The following POLR3H variants were observed in gnomAD, a reference collection of about 807,000 sequenced individuals.
POLR3H encodes RNA polymerase III subunit H.
In POLR3H, 17 loss-of-function variants were observed where a neutral mutation model predicts 25.5. That is an observed-to-expected ratio of 0.67 (90% CI 0.46 to 1.00). The LOEUF (loss-of-function observed/expected upper bound fraction) is 1.00. Ranked by LOEUF, POLR3H falls within the 50% of genes least tolerant of loss-of-function variation. The pLI is 0.00. For missense variants in POLR3H, 274 were observed against 265.0 expected, an observed-to-expected ratio of 1.03 and a Z score of -0.24; for synonymous variants, 129 against 103.0, an observed-to-expected ratio of 1.25 and a Z score of -1.53.
intron 2 of POLR3H, 72 bp downstream of exon 2, chr22:41,540,627 T>G: frequency 8.5e-7 from 1 of 1,175,116 alleles, no homozygotes; most frequent in African/African-American, 1.5e-5. Context: ...TGAACCTGGA[T>G]TTGGCTTGAC....
rs976996191 is a variant in POLR3H, at chr22:41,526,875, C to T, written c.*2408G>A. The T allele has an allele frequency of 4.2e-5, 13 of 310,882 alleles. 1 individual carries two copies. The highest frequency in any genetic ancestry group is 2.3e-4 in the Admixed American group (5 of 21,304). 19.3% of individuals were successfully genotyped at this position (310,882 alleles called of 1,614,324 possible). On this transcript the variant is annotated 3_prime_UTR_variant, in exon 6 of 6. Transcript: ENST00000355209. Reference sequence around the variant, plus strand: ...GGCTGAACCCAAGTCCTGGCCCAGCCGGGTGAAAGGACTCTGGCACCCCCT... The same window carrying T: ...GGCTGAACCCAAGTCCTGGCCCAGCTGGGTGAAAGGACTCTGGCACCCCCT...
intron 2 of POLR3H, among the ~76,000 whole-genome samples, chr22:41,535,587 G>C (rs1569033949): frequency 1.3e-5 from 2 of 152,252 alleles, no homozygotes; most frequent in South Asian, 2.1e-4. Flanking sequence ...AGAACTTTGG[G>C]AGGCCGAGGC....
Position 41,526,420 on chromosome 22 carries a change from T to A in POLR3H, c.*2863A>T. The A allele has an allele frequency of 6.2e-7, 1 of 1,613,726 alleles. No homozygotes were observed. The highest frequency in any genetic ancestry group is 8.5e-7 in the Non-Finnish European group (1 of 1,179,884). On this transcript the variant is annotated 3_prime_UTR_variant, in exon 6 of 6. Coordinates refer to ENST00000355209, the MANE Select transcript of POLR3H (RefSeq NM_001018050.4). ...TGCGCAATGCCGTCACTCAGGAGTT[T>A]GGCCCCGTCCCTGACACTGCCCGCT...
rs556771662 is a variant in POLR3H at position 41,536,202 on chromosome 22, C to T, written c.209-3457G>A. On this transcript the variant is annotated intron_variant, in intron 2 of 5. Coordinates refer to ENST00000355209, the MANE Select transcript of POLR3H (RefSeq NM_001018050.4). Reference sequence around the variant, plus strand: ...GGTCAGGAGATCGAGACCATCCTGGCTAACATGATGAAACCCCGTCTCAAC... The same window carrying T: ...GGTCAGGAGATCGAGACCATCCTGGTTAACATGATGAAACCCCGTCTCAAC... Among the ~76,000 whole-genome samples, 21 of 151,066 alleles carry T rather than the reference C, an allele frequency of 1.4e-4. No homozygotes were observed. In the East Asian group the frequency reaches 3.2e-3, roughly 23 times the overall value.
In POLR3H at chr22:41,527,166, C is replaced by T. The variant is rs1292494361; in HGVS notation, c.*2117G>A. ...AGCAGGCGAGGAAGGGCCCCTCCAG[C>T]CCCTTTACCGGGAGCCTCAGGATGC... is the stretch of plus-strand genomic sequence containing the variant. On this transcript the variant is annotated 3_prime_UTR_variant, in exon 6 of 6. Coordinates refer to ENST00000355209, the MANE Select transcript of POLR3H (RefSeq NM_001018050.4). 2.8e-5 allele frequency: 41 copies of T among 1,455,366 alleles called. No homozygotes were observed. Among genetic ancestry groups the T allele is most frequent in the Non-Finnish European group, 3.5e-5 (37 of 1,055,382 alleles). The allele number at this position is 1,455,366 out of a possible 1,614,324, so 90.2% of individuals were successfully genotyped here.
intron 3 of POLR3H, among the ~76,000 whole-genome samples, 189 bp from the exon 4 acceptor site, chr22:41,532,346 G>A (rs1209385898): frequency 6.6e-6 from 1 of 152,192 alleles, no homozygotes; most frequent in African/African-American, 2.4e-5. Context: ...AGCAGCCCTG[G>A]GCAAAGCCCG....
At position 41,528,599 on chromosome 22, in the gene POLR3H, G is replaced by A; in HGVS notation, c.*684C>T. 1 of 1,611,122 alleles carries A rather than the reference G, an allele frequency of 6.2e-7. No homozygotes were observed. The highest frequency in any genetic ancestry group is 8.5e-7 in the Non-Finnish European group (1 of 1,179,838). ...TGGCAGTGCCCTCAACAGAATGAAGGAACTGCAACAGTGAGGGCAGTGCCT... is the reference window on the plus strand; with the variant it reads ...TGGCAGTGCCCTCAACAGAATGAAGAAACTGCAACAGTGAGGGCAGTGCCT... On this transcript the variant is annotated 3_prime_UTR_variant, in exon 6 of 6. Transcript: ENST00000355209.
chr22:41,541,674 C>T (rs1261864097), intron 1 of POLR3H, among the ~76,000 whole-genome samples: 1 of 152,210 alleles, frequency 6.6e-6, no homozygotes, highest in Non-Finnish European at 1.5e-5. Flanking sequence ...GAAGACTTGT[C>T]CCAACAGGAC....
At chr22:41,540,861 C>A in intron 1 of POLR3H, 66 bp from the exon 2 acceptor site, 2 of 1,240,498 alleles carry the variant, frequency 1.6e-6, no homozygotes, top group Non-Finnish European at 2.4e-6. Context: ...GCCCAGCTCC[C>A]AGGCAATCTG....
At chr22:41,534,888 CTG>C (rs2066814178) in intron 2 of POLR3H, among the ~76,000 whole-genome samples, 1 of 98,662 alleles carries the variant, frequency 1.0e-5, no homozygotes, top group Non-Finnish European at 2.5e-5. Flanking sequence ...GAGTGAAACT[CTG>C]TCAAAAAAAA....
chr22:41,532,072 C>T, intron 4 of POLR3H, 22 bp downstream of exon 4: 1 of 1,612,550 alleles, frequency 6.2e-7, no homozygotes, highest in Non-Finnish European at 8.5e-7. Flanking sequence ...TGTGACAAAC[C>T]ACTTTAACCC....
At chr22:41,529,509 G>A (rs939033442) in intron 5 of POLR3H, among the ~76,000 whole-genome samples, 173 bp from the exon 6 acceptor site, 2 of 152,146 alleles carry the variant, frequency 1.3e-5, no homozygotes, top group African/African-American at 4.8e-5. Flanking sequence ...CAACGGGCAC[G>A]CAGCACGCAG....
rs1339078458 is a variant in POLR3H at position 41,526,114 on chromosome 22, A to G, written c.*3169T>C. On this transcript the variant is annotated 3_prime_UTR_variant, in exon 6 of 6. Coordinates refer to ENST00000355209, the MANE Select transcript of POLR3H (RefSeq NM_001018050.4). ...GCCTTAGGGTGGAAGCACCAGGACC[A>G]CAGAACACGTGTCTGAAGACTTGCC... The G allele has an allele frequency of 1.5e-6, 1 of 662,326 alleles. No individual in the cohort carries two copies. Among genetic ancestry groups the G allele is most frequent in the Non-Finnish European group, 2.6e-6 (1 of 390,398 alleles). The allele number at this position is 662,326 out of a possible 1,614,324, so 41.0% of individuals were successfully genotyped here.
At chr22:41,534,361 G>A (rs1407267506) in intron 2 of POLR3H, among the ~76,000 whole-genome samples, 2 of 152,186 alleles carry the variant, frequency 1.3e-5, no homozygotes, top group East Asian at 3.9e-4. Flanking sequence ...GCCTTACAAA[G>A]GAAGGAATTC....
chr22:41,531,971 G>T, intron 4 of POLR3H, 123 bp downstream of exon 4: 1 of 807,334 alleles, frequency 1.2e-6, no homozygotes, highest in Non-Finnish European at 2.1e-6. Flanking sequence ...CACAGGCGAG[G>T]GGCAGGCACA....
At chr22:41,530,547 G>T in intron 5 of POLR3H, 140 bp downstream of exon 5, 1 of 749,504 alleles carries the variant, frequency 1.3e-6, no homozygotes, top group Non-Finnish European at 2.1e-6. Flanking sequence ...CCAGGGAGAA[G>T]TGACCAGCCA....
Position 41,529,580 on chromosome 22 carries a change from T to C in POLR3H, c.562-244A>G, listed in dbSNP as rs542551171. 1.3e-5 allele frequency: 9 copies of C among 698,896 alleles called. No homozygotes were observed. In the East Asian group the frequency reaches 2.4e-4, roughly 19 times the overall value. 43.3% of individuals were successfully genotyped at this position (698,896 alleles called of 1,614,324 possible). A position where few individuals can be genotyped will look rare whatever the true frequency, so the allele number is the denominator to read the frequency against. On this transcript the variant is annotated intron_variant, in intron 5 of 5. Transcript: ENST00000355209. The stretch of plus-strand genomic sequence containing the variant: ...TAGGGTCAGGGACCCTTCCTCACCC[T>C]TAGGCCTGCCCTCCAGGGCCACCTA...
chr22:41,540,894 G>A, intron 1 of POLR3H, 99 bp from the exon 2 acceptor site: 1 of 840,922 alleles, frequency 1.2e-6, no homozygotes, highest in Non-Finnish European at 2.0e-6. Flanking sequence ...CCACAAGCAA[G>A]CCATGATTAT....
intron 1 of POLR3H, 105 bp downstream of exon 1, chr22:41,543,886 C>G: frequency 1.3e-6 from 1 of 786,378 alleles, no homozygotes; most frequent in South Asian, 1.4e-5. Context: ...CATTAAGCTG[C>G]TTGCCCACGG....
Sources: allele counts gnomAD v4.1 joint callset (sites outside exome capture counted in the v4.1 genomes callset), GRCh38; gene constraint gnomAD v4.1.1; transcripts MANE v1.5; gene names NCBI Gene and HGNC (gene_info 2026-07-23, HGNC 2026-07-21).